The following LMF1 variants were observed in gnomAD, a reference collection of about 807,000 sequenced individuals.
LMF1 encodes transmembrane protein 112.
Under a neutral mutation model 60.6 loss-of-function variants are expected in LMF1, and 68 were observed. The observed-to-expected ratio is 1.12, with a 90% CI of 0.92 to 1.37. LMF1 has a LOEUF of 1.37. Among genes scored for constraint, LMF1 ranks in the 40% most tolerant of loss-of-function variants. The probability of loss-of-function intolerance (pLI) is 0.00; values close to 1 mark genes in which losing one functional copy is unlikely to be tolerated. For missense variants in LMF1, 948 were observed against 767.2 expected, an observed-to-expected ratio of 1.24 and a Z score of -2.78; for synonymous variants, 418 against 324.7, an observed-to-expected ratio of 1.29 and a Z score of -3.09.
chr16:876,973 G>GAGAA (rs1477038313), intron 6 of LMF1, among the ~76,000 whole-genome samples: 1 of 152,206 alleles, frequency 6.6e-6, no homozygotes, highest in Non-Finnish European at 1.5e-5. Flanking sequence ...TTACTTAAAA[G>GAGAA]AGAAAGACGG....
At chr16:889,357 C>CGGATGGCCGTGGGTGTGAGGCTGT (rs2070408836) in intron 5 of LMF1, among the ~76,000 whole-genome samples, 1 of 146,452 alleles carries the variant, frequency 6.8e-6, no homozygotes, top group Non-Finnish European at 1.5e-5. Flanking sequence ...TGTGAGGCTG[C>CGGATGGCCGTGGGTGTGAGGCTGT]GGATGGCCAT....
At chr16:938,705 T>C (rs1194879699) in intron 2 of LMF1, among the ~76,000 whole-genome samples, 1 of 152,184 alleles carries the variant, frequency 6.6e-6, no homozygotes, top group African/African-American at 2.4e-5. Context: ...CAAGTGCATG[T>C]GTGGCTCCCA....
At chr16:934,510 AT>A in intron 2 of LMF1, 3 of 517,240 alleles carry the variant, frequency 5.8e-6, no homozygotes, top group Non-Finnish European at 1.0e-5. Flanking sequence ...AAATAAAAAA[AT>A]ATGTATTTTG....
At chr16:952,873 C>T (rs1171366488) in intron 2 of LMF1, among the ~76,000 whole-genome samples, 71 of 137,992 alleles carry the variant, frequency 5.1e-4, no homozygotes, top group African/African-American at 9.5e-4. Context: ...AACCAGCCTC[C>T]TACACATCCA....
rs147628336 is a variant in LMF1 at position 888,966 on chromosome 16, C to T, written c.729+4041G>A. On this transcript the variant is annotated intron_variant, in intron 5 of 10. Transcript: ENST00000262301. ...CTGGCCCTGGGATCCTGGGGGTCCT[C>T]ACAACGGTGCTGAGGACATGGCTCT... 2.0e-3 allele frequency among the ~76,000 whole-genome samples: 309 copies of T among 152,302 alleles called. 3 individuals are homozygous for T. Among genetic ancestry groups the T allele is most frequent in the African/African-American group, 6.5e-3 (271 of 41,558 alleles).
chr16:912,360 G>A (rs367725256), intron 3 of LMF1, among the ~76,000 whole-genome samples: 1 of 152,128 alleles, frequency 6.6e-6, no homozygotes, highest in South Asian at 2.1e-4. Flanking sequence ...ACGGAGGCTC[G>A]CGGGGAGCTT....
intron 3 of LMF1, chr16:931,829 C>T (rs902091846): frequency 5.4e-5 from 69 of 1,272,918 alleles, no homozygotes; most frequent in Middle Eastern, 3.3e-4. Context: ...CTCAGGCTCA[C>T]GAGGGCTCTC....
chr16:951,932 C>T (rs1201293953), intron 2 of LMF1, among the ~76,000 whole-genome samples: 10 of 152,198 alleles, frequency 6.6e-5, no homozygotes, highest in East Asian at 3.8e-4. Flanking sequence ...CCTGGGGCAT[C>T]GGGGGCAAAC....
intron 5 of LMF1, chr16:884,067 T>G (rs1246751322): frequency 5.9e-5 from 9 of 152,254 alleles, no homozygotes; most frequent in Admixed American, 2.6e-4. Context: ...CATACGTGTT[T>G]GAGAGTCTTC....
At chr16:964,116 GATAA>G (rs1462600569) in intron 1 of LMF1, 10 of 455,866 alleles carry the variant, frequency 2.2e-5, no homozygotes, top group Admixed American at 9.4e-5. Flanking sequence ...AGGCATGGCC[GATAA>G]ATACTTTGTT....
intron 10 of LMF1, among the ~76,000 whole-genome samples, chr16:859,205 T>G (rs1224302914): frequency 9.0e-6 from 1 of 110,780 alleles, no homozygotes; most frequent in Non-Finnish European, 1.7e-5. Context: ...GTGTGAGTGG[T>G]GTCTCGGGAC....
intron 2 of LMF1, among the ~76,000 whole-genome samples, chr16:952,937 CAA>C (rs2072523408): frequency 5.7e-5 from 7 of 121,766 alleles, no homozygotes; most frequent in Admixed American, 1.6e-4. Context: ...ACACCCACCC[CAA>C]ACCAGCCTCC....
chr16:876,263 A>G (rs1465757550), intron 6 of LMF1, among the ~76,000 whole-genome samples: 3 of 152,250 alleles, frequency 2.0e-5, no homozygotes, highest in Non-Finnish European at 4.4e-5. Flanking sequence ...GCCAGTCCGC[A>G]AAGGCTGCAC....
At chr16:907,537 C>T (rs577959796) in intron 4 of LMF1, among the ~76,000 whole-genome samples, 7 of 152,220 alleles carry the variant, frequency 4.6e-5, no homozygotes, top group East Asian at 1.9e-4. Flanking sequence ...GGGAGGGCCA[C>T]GGGGCTCCCC....
At position 879,744 on chromosome 16, in the gene LMF1, G is replaced by C. The variant is rs754907680; in HGVS notation, c.730-7C>G. The C allele has an allele frequency of 6.4e-7, 1 of 1,573,590 alleles. No individual in the cohort carries two copies. The highest frequency in any genetic ancestry group is 8.6e-7 in the Non-Finnish European group (1 of 1,159,898). ...GATTGGGCATCGGCTGGGTCTGCAGGGACAGGAGGGGCCGTGAGGTGCCTG... is the reference window on the plus strand; with the variant it reads ...GATTGGGCATCGGCTGGGTCTGCAGCGACAGGAGGGGCCGTGAGGTGCCTG... On this transcript the variant is annotated splice_polypyrimidine_tract_variant and splice_region_variant and intron_variant, in intron 5 of 10. Transcript: ENST00000262301.
rs1237039005 is a variant in LMF1 at position 897,363 on chromosome 16, C to T, written c.664-4291G>A. ...GTGGCTCAGGACAGACCCCCAGCCC[C>T]TACAGTCCCCGAAAGCACCGGCTAA... is the stretch of plus-strand genomic sequence containing the variant. On this transcript the variant is annotated intron_variant, in intron 4 of 10. Transcript: ENST00000262301. The surrounding 1 kb of genome is among the most constrained non-coding windows in gnomAD (Gnocchi z 4.3). Among the ~76,000 whole-genome samples the T allele has an allele frequency of 1.3e-5, 2 of 152,228 alleles. No homozygotes were observed. The highest frequency in any genetic ancestry group is 4.8e-5 in the African/African-American group (2 of 41,462).
chr16:936,319 T>A (rs1268345136), intron 2 of LMF1, among the ~76,000 whole-genome samples: 22 of 69,798 alleles, frequency 3.2e-4, no homozygotes, highest in South Asian at 1.1e-3. Flanking sequence ...CTGAGGAAGG[T>A]GGCTGGGAGA....
At chr16:940,255 G>A (rs2072063738) in intron 2 of LMF1, among the ~76,000 whole-genome samples, 1 of 152,202 alleles carries the variant, frequency 6.6e-6, no homozygotes, top group Admixed American at 6.5e-5. Flanking sequence ...CTGTGGAAGA[G>A]TAAGTGTTTC....
At chr16:974,596 G>A (rs1280050429), upstream of LMF1, among the ~76,000 whole-genome samples, 1 of 152,190 alleles carries the variant, frequency 6.6e-6, no homozygotes, top group East Asian at 1.9e-4. Flanking sequence ...CCCGGAGACC[G>A]ACCAGCCTGC....
Sources: gnomAD v4.1 joint callset for allele counts (sites outside exome capture counted in the v4.1 genomes callset) on GRCh38, gnomAD v4.1.1 for gene constraint, Gnocchi (gnomAD v3.1) non-coding constraint, MANE v1.5 for transcripts, NCBI Gene and HGNC (gene_info 2026-07-23, HGNC 2026-07-21) for gene names.